The following CAB39 variants were observed in gnomAD, a reference collection of about 807,000 sequenced individuals.
CAB39 encodes the protein calcium-binding protein 39.
In CAB39, 8 loss-of-function variants were observed where a neutral mutation model predicts 40.0. The observed-to-expected ratio is 0.20, with a 90% CI of 0.12 to 0.36. CAB39 has a LOEUF of 0.36. CAB39 is among the 10% of genes least tolerant of loss of function. The pLI is 1.00. For synonymous variants in CAB39, 156 were observed against 141.6 expected (o/e 1.10, Z -0.72); for missense variants, 270 against 401.1 (o/e 0.67, Z 2.79).
intron 1 of CAB39, among the ~76,000 whole-genome samples, chr2:230,721,683 G>A (rs1019558057): frequency 6.6e-6 from 1 of 152,168 alleles, no homozygotes; most frequent in Non-Finnish European, 1.5e-5. Context: ...GTTCCAGGGT[G>A]AGATTTCAAC....
chr2:230,737,029 C>A (rs1020042857), intron 1 of CAB39, among the ~76,000 whole-genome samples: 1 of 152,146 alleles, frequency 6.6e-6, no homozygotes, highest in Admixed American at 6.5e-5. Context: ...CAAAACTTAA[C>A]CAGGACTTGA....
At chr2:230,740,417 A>G (rs370631492) in intron 1 of CAB39, among the ~76,000 whole-genome samples, 1 of 152,232 alleles carries the variant, frequency 6.6e-6, no homozygotes. Flanking sequence ...CTACATACTG[A>G]GTCTAAATCA....
intron 1 of CAB39, among the ~76,000 whole-genome samples, chr2:230,729,832 C>T (rs1047525193): frequency 4.0e-5 from 6 of 151,144 alleles, no homozygotes; most frequent in Non-Finnish European, 7.4e-5. Flanking sequence ...AAATCTTGAG[C>T]GAAAACCTCA....
rs559222741 is a variant in CAB39 at position 230,745,768 on chromosome 2, A to G, written c.-43-14191A>G. The stretch of plus-strand genomic sequence containing the variant: ...CAGCCTCCAGAGTAGCTGGGACTAC[A>G]GGCACATACCACCACGCCCAGCTAA... On this transcript the variant is annotated intron_variant, in intron 1 of 8. Transcript: ENST00000258418. Among the ~76,000 whole-genome samples, 613 of 152,184 alleles carry G rather than the reference A, an allele frequency of 4.0e-3. 4 individuals carry two copies. The highest frequency in any genetic ancestry group is 0.014 in the African/African-American group (579 of 41,512).
intron 5 of CAB39, among the ~76,000 whole-genome samples, chr2:230,804,046 C>CA (rs1415487266): frequency 1.3e-5 from 2 of 152,182 alleles, no homozygotes; most frequent in African/African-American, 2.4e-5. Context: ...GGTACCAAAA[C>CA]AGAGATATAG....
At chr2:230,766,359 A>G (rs1337627772) in intron 2 of CAB39, among the ~76,000 whole-genome samples, 2 of 152,220 alleles carry the variant, frequency 1.3e-5, no homozygotes, top group Non-Finnish European at 2.9e-5. Flanking sequence ...AATGGGAAAA[A>G]TGAGAGTTTA....
rs1238601655 is a variant in CAB39, at chr2:230,754,341, T to C, written c.-43-5618T>C. On this transcript the variant is annotated intron_variant, in intron 1 of 8. Coordinates refer to ENST00000258418, the MANE Select transcript of CAB39 (RefSeq NM_016289.4). Reference sequence around the variant, plus strand: ...TTCCTTCTTCCTTCTTCTTCCTTCCTCTTCTTCCTTCCTCTTCTTCCGTCC... The same window carrying C: ...TTCCTTCTTCCTTCTTCTTCCTTCCCCTTCTTCCTTCCTCTTCTTCCGTCC... Among the ~76,000 whole-genome samples, 3 of 101,574 alleles carry C rather than the reference T, an allele frequency of 3.0e-5. No homozygotes were observed. In the African/African-American group the frequency reaches 3.0e-4, roughly 10 times the overall value. 66.6% of individuals were successfully genotyped at this position (101,574 alleles called of 152,430 possible).
At chr2:230,783,143 T>G (rs1310880547) in intron 2 of CAB39, among the ~76,000 whole-genome samples, 1 of 152,090 alleles carries the variant, frequency 6.6e-6, no homozygotes, top group African/African-American at 2.4e-5. Context: ...GCTCTTTCTT[T>G]AGTGGAGCAC....
At chr2:230,791,069 G>GTACCC (rs760396955) in intron 3 of CAB39, 33 bp downstream of exon 3, 1 of 1,453,340 alleles carries the variant, frequency 6.9e-7, no homozygotes, top group South Asian at 1.2e-5. Context: ...TTAAAAAACA[G>GTACCC]TACCCTGTGC....
intron 1 of CAB39, among the ~76,000 whole-genome samples, chr2:230,750,601 C>G (rs375272121): frequency 6.6e-6 from 1 of 151,800 alleles, no homozygotes; most frequent in East Asian, 1.9e-4. Context: ...ATATGTAGTT[C>G]TCAATTTTGT....
At chr2:230,716,172 G>A (rs565032343) in intron 1 of CAB39, among the ~76,000 whole-genome samples, 5 of 152,262 alleles carry the variant, frequency 3.3e-5, no homozygotes, top group Non-Finnish European at 5.9e-5. Flanking sequence ...GGCTGTATAC[G>A]TTTCCTAAAG....
intron 1 of CAB39, among the ~76,000 whole-genome samples, chr2:230,747,091 G>T (rs1317598692): frequency 1.3e-5 from 2 of 152,152 alleles, no homozygotes; most frequent in East Asian, 3.9e-4. Context: ...GGTAGCTCAT[G>T]CCTGTAATGC....
intron 1 of CAB39, among the ~76,000 whole-genome samples, chr2:230,756,039 C>A (rs1468792552): frequency 6.6e-6 from 1 of 152,138 alleles, no homozygotes; most frequent in Non-Finnish European, 1.5e-5. Flanking sequence ...GCAGCGTCCC[C>A]CCCGGGAGAA....
At chr2:230,734,599 T>C (rs1201643308) in intron 1 of CAB39, among the ~76,000 whole-genome samples, 1 of 152,170 alleles carries the variant, frequency 6.6e-6, no homozygotes. Context: ...TCTTCCCCTC[T>C]CATTTGTTTA....
chr2:230,807,162 G>A (rs190498271), intron 5 of CAB39, among the ~76,000 whole-genome samples: 50 of 152,230 alleles, frequency 3.3e-4, no homozygotes, highest in African/African-American at 1.2e-3. Flanking sequence ...AAACTTTGCA[G>A]GTCTGCATGC....
intron 5 of CAB39, among the ~76,000 whole-genome samples, chr2:230,807,134 TG>T (rs777120714): frequency 2.0e-4 from 31 of 152,208 alleles, no homozygotes; most frequent in Non-Finnish European, 4.3e-4. Context: ...TCTGCTGGTC[TG>T]GGGTCACATG....
At chr2:230,808,915 A>G (rs1696252830) in intron 5 of CAB39, among the ~76,000 whole-genome samples, 1 of 152,208 alleles carries the variant, frequency 6.6e-6, no homozygotes, top group South Asian at 2.1e-4. Flanking sequence ...TGGGCACTGC[A>G]TAGGTGCTGG....
chr2:230,735,260 G>A (rs1694766355), intron 1 of CAB39, among the ~76,000 whole-genome samples: 2 of 146,390 alleles, frequency 1.4e-5, no homozygotes, highest in South Asian at 4.4e-4. Flanking sequence ...TCTGCCTCCC[G>A]GGTTCAAGCA....
At chr2:230,758,297 CAAAA>C (rs201939916) in intron 1 of CAB39, among the ~76,000 whole-genome samples, 2 of 73,430 alleles carry the variant, frequency 2.7e-5, no homozygotes, top group Admixed American at 1.4e-4. Context: ...AGCGAGACTC[CAAAA>C]AAAAAAAAAA....
Sources: allele counts gnomAD v4.1 joint callset (sites outside exome capture counted in the v4.1 genomes callset), GRCh38; gene constraint gnomAD v4.1.1; transcripts MANE v1.5; gene names NCBI Gene and HGNC (gene_info 2026-07-23, HGNC 2026-07-21).